The following TENM3 variants were observed in gnomAD, a reference collection of about 807,000 sequenced individuals.
TENM3 encodes teneurin-3.
TENM3 carries 63 observed loss-of-function variants against 255.1 expected under a neutral mutation model. That is an observed-to-expected ratio of 0.25 (90% CI 0.20 to 0.30). The LOEUF is 0.30. Among genes scored for constraint, TENM3 ranks in the 10% least tolerant of loss-of-function variants. The pLI, the probability that TENM3 is intolerant of heterozygous loss-of-function variation, is 1.00. For synonymous variants in TENM3, 1,306 were observed against 1,322.3 expected (o/e 0.99, Z 0.27); for missense variants, 2,929 against 3,461.1 (o/e 0.85, Z 3.86).
chr4:182,601,190 G>T, intron 4 of TENM3, 29 bp downstream of exon 4: 2 of 1,571,308 alleles, frequency 1.3e-6, no homozygotes, highest in Non-Finnish European at 1.8e-6. Context: ...AAATAAGCTA[G>T]CCCAACCCTT....
chr4:182,149,193 T>C (rs193069878), intron 1 of TENM3, among the ~76,000 whole-genome samples: 19 of 152,060 alleles, frequency 1.2e-4, no homozygotes, highest in African/African-American at 4.6e-4. Flanking sequence ...GCTTAAGACA[T>C]CCATTTAAAA....
the TENM3 span, among the ~76,000 whole-genome samples, chr4:181,642,822 C>A: frequency 6.6e-6 from 1 of 151,978 alleles, no homozygotes; most frequent in South Asian, 2.1e-4. Flanking sequence ...TGTAGATGTG[C>A]GGTATTATTT....
At chr4:181,716,598 C>T in the TENM3 span, among the ~76,000 whole-genome samples, 1 of 152,170 alleles carries the variant, frequency 6.6e-6, no homozygotes, top group East Asian at 1.9e-4. Context: ...TTTTTCTTAA[C>T]TTCTCTGTGC....
chr4:181,905,657 T>C, the TENM3 span: 1 of 169,700 alleles, frequency 5.9e-6, no homozygotes, highest in South Asian at 1.6e-4. Context: ...TATGATACAC[T>C]ATTTATTTAT....
At chr4:181,659,935 C>T in the TENM3 span, among the ~76,000 whole-genome samples, 1 of 152,070 alleles carries the variant, frequency 6.6e-6, no homozygotes, top group Non-Finnish European at 1.5e-5. Flanking sequence ...ACAACAAAAG[C>T]AGTTGTTGTC....
the TENM3 span, among the ~76,000 whole-genome samples, chr4:181,807,520 A>G: frequency 6.6e-6 from 1 of 151,962 alleles, no homozygotes; most frequent in South Asian, 2.1e-4. Flanking sequence ...TGCCCAGATA[A>G]TTTTGTATTT....
At chr4:181,824,320 C>G in the TENM3 span, among the ~76,000 whole-genome samples, 9 of 151,572 alleles carry the variant, frequency 5.9e-5, no homozygotes, top group Non-Finnish European at 7.4e-5. Context: ...AGGCTGGCCT[C>G]CAACTCCTGG....
the TENM3 span, among the ~76,000 whole-genome samples, chr4:181,886,048 GTTTT>G: frequency 1.3e-3 from 132 of 102,546 alleles, no homozygotes; most frequent in African/African-American, 3.4e-3. Context: ...TTTTTCTTGG[GTTTT>G]TTTTTTTTTT....
At chr4:182,073,079 A>G in the TENM3 span, among the ~76,000 whole-genome samples, 1 of 152,194 alleles carries the variant, frequency 6.6e-6, no homozygotes, top group East Asian at 1.9e-4. Context: ...TATATAAAGA[A>G]AAGGGGTTTG....
the TENM3 span, among the ~76,000 whole-genome samples, chr4:181,449,930 TAAG>T: frequency 6.6e-6 from 1 of 152,220 alleles, no homozygotes; most frequent in Admixed American, 6.5e-5. Flanking sequence ...TAAATAGAAT[TAAG>T]AAACAAATTC....
At chr4:181,882,789 G>T in the TENM3 span, among the ~76,000 whole-genome samples, 2 of 152,100 alleles carry the variant, frequency 1.3e-5, no homozygotes, top group African/African-American at 4.8e-5. Context: ...CTTCTAAATT[G>T]GTCCAATGGA....
chr4:182,165,770 G>T (rs538924672), intron 1 of TENM3, among the ~76,000 whole-genome samples: 7 of 152,218 alleles, frequency 4.6e-5, no homozygotes, highest in African/African-American at 1.7e-4. Context: ...AGCAGGGCAG[G>T]TGTAAAAGCA....
At position 182,802,522 on chromosome 4, in the gene TENM3, G is replaced by A. The variant is rs1202663933; in HGVS notation, c.*2171G>A. ...TGTTTCTGATGTATTACCATGAAAA[G>A]CTTGTGCCACATGACAGAAGTGAGA... On this transcript the variant is annotated 3_prime_UTR_variant, in exon 28 of 28. Coordinates refer to ENST00000511685, the MANE Select transcript of TENM3 (RefSeq NM_001080477.4). 1 of 152,604 alleles carries A rather than the reference G, an allele frequency of 6.6e-6. No individual in the cohort carries two copies. Among genetic ancestry groups the A allele is most frequent in the Non-Finnish European group, 1.5e-5 (1 of 68,036 alleles). 9.5% of individuals were successfully genotyped at this position (152,604 alleles called of 1,614,324 possible).
At chr4:181,689,397 C>T in the TENM3 span, among the ~76,000 whole-genome samples, 1 of 152,168 alleles carries the variant, frequency 6.6e-6, no homozygotes, top group African/African-American at 2.4e-5. Flanking sequence ...TCCAACTCGG[C>T]AAAGCCACAC....
At chr4:182,485,259 T>C (rs1734585868) in intron 3 of TENM3, among the ~76,000 whole-genome samples, 1 of 152,178 alleles carries the variant, frequency 6.6e-6, no homozygotes, top group Non-Finnish European at 1.5e-5. Context: ...GCAAAACTGC[T>C]GATACTGGAG....
the TENM3 span, among the ~76,000 whole-genome samples, chr4:181,899,728 C>T: frequency 8.6e-5 from 13 of 151,864 alleles, no homozygotes; most frequent in Admixed American, 8.5e-4. Context: ...CCACCACACC[C>T]AGCTAGTTTT....
chr4:181,565,818 A>G, the TENM3 span, among the ~76,000 whole-genome samples: 1 of 152,256 alleles, frequency 6.6e-6, no homozygotes, highest in African/African-American at 2.4e-5. Flanking sequence ...GTTAGTGCAT[A>G]TTAATACAAG....
At chr4:181,933,560 G>A in the TENM3 span, among the ~76,000 whole-genome samples, 1 of 152,322 alleles carries the variant, frequency 6.6e-6, no homozygotes, top group Admixed American at 6.5e-5. Flanking sequence ...TCCAAAGACT[G>A]TGGCCATTTC....
the TENM3 span, among the ~76,000 whole-genome samples, chr4:181,927,806 G>T: frequency 6.6e-6 from 1 of 152,178 alleles, no homozygotes; most frequent in Non-Finnish European, 1.5e-5. Flanking sequence ...GTCCCTCTGA[G>T]ACGAAGCTTC....
Sources: allele counts gnomAD v4.1 joint callset (sites outside exome capture counted in the v4.1 genomes callset), GRCh38; gene constraint gnomAD v4.1.1; transcripts MANE v1.5; gene names NCBI Gene and HGNC (gene_info 2026-07-23, HGNC 2026-07-21).